PRDM16: variants seen among roughly 807,000 people sequenced by gnomAD.
PRDM16 encodes the protein histone-lysine N-methyltransferase PRDM16.
Under a neutral mutation model 110.6 loss-of-function variants are expected in PRDM16, and 23 were observed. The observed-to-expected ratio is 0.21, with a 90% CI of 0.15 to 0.29. The LOEUF is 0.29. Ranked by LOEUF, PRDM16 falls within the 10% of genes least tolerant of loss-of-function variation. The probability of loss-of-function intolerance (pLI) is 1.00; values close to 1 mark genes in which losing one functional copy is unlikely to be tolerated. For missense variants in PRDM16, 1,615 were observed against 1,794.3 expected (o/e 0.90, Z 1.81); for synonymous variants, 799 against 781.8 (o/e 1.02, Z -0.37).
At chr1:3,239,991 AAGAG>A (rs1000742426) in intron 2 of PRDM16, among the ~76,000 whole-genome samples, 27 of 148,452 alleles carry the variant, frequency 1.8e-4, no homozygotes, top group African/African-American at 6.3e-4. Flanking sequence ...AAGAAAAGAA[AAGAG>A]AGAGAGGAAG....
At chr1:3,363,374 ATTC>A (rs1359389295) in intron 3 of PRDM16, among the ~76,000 whole-genome samples, 1 of 152,144 alleles carries the variant, frequency 6.6e-6, no homozygotes, top group South Asian at 2.1e-4. Flanking sequence ...CCAGGAAGGT[ATTC>A]TTCTCCGGGA....
At chr1:3,087,070 G>A (rs1253287614) in intron 1 of PRDM16, among the ~76,000 whole-genome samples, 1 of 152,186 alleles carries the variant, frequency 6.6e-6, no homozygotes, top group African/African-American at 2.4e-5. Context: ...AACGCTGCAC[G>A]TGCTGCCGGC....
intron 4 of PRDM16, among the ~76,000 whole-genome samples, chr1:3,395,467 C>G (rs883678): frequency 0.16 from 23,807 of 152,220 alleles, 2,228 homozygotes; most frequent in Middle Eastern, 0.27. Flanking sequence ...CCCAGCCTCA[C>G]AGCCAGTCCT....
Position 3,353,440 on chromosome 1 carries a change from G to A in PRDM16, c.439-31712G>A, listed in dbSNP as rs370128641. On this transcript the variant is annotated intron_variant, in intron 3 of 16. Transcript: ENST00000270722. The surrounding 1 kb of genome is among the most constrained non-coding windows in gnomAD (Gnocchi z 5.4). ...GGGGACACCATCCTGCAGCCTCTGCGTTTGTCCTTGGGGTCATTGAGGAAT... is the reference window on the plus strand; with the variant it reads ...GGGGACACCATCCTGCAGCCTCTGCATTTGTCCTTGGGGTCATTGAGGAAT... 2.3e-4 allele frequency among the ~76,000 whole-genome samples: 35 copies of A among 152,300 alleles called. No individual in the cohort carries two copies. Among genetic ancestry groups the A allele is most frequent in the East Asian group, 1.2e-3 (6 of 5,164 alleles).
intron 7 of PRDM16, 114 bp downstream of exon 7, chr1:3,405,000 G>GT (rs1395726243): frequency 1.4e-5 from 17 of 1,187,192 alleles, no homozygotes; most frequent in Non-Finnish European, 1.9e-5. Flanking sequence ...GTGCGGCAGA[G>GT]TGGGTAGGAG....
chr1:3,186,640 C>T (rs1046270252), intron 2 of PRDM16, 166 bp downstream of exon 2: 6 of 562,402 alleles, frequency 1.1e-5, no homozygotes, highest in African/African-American at 1.9e-5. Context: ...TCGCCTGATG[C>T]GACTCAGAAA....
At chr1:3,141,505 T>C (rs1251826138) in intron 1 of PRDM16, among the ~76,000 whole-genome samples, 1 of 152,218 alleles carries the variant, frequency 6.6e-6, no homozygotes, top group Non-Finnish European at 1.5e-5. Flanking sequence ...ATAATGGAAA[T>C]TGTCAAATTG....
intron 1 of PRDM16, among the ~76,000 whole-genome samples, chr1:3,184,562 G>T (rs1002781964): frequency 6.6e-6 from 1 of 152,152 alleles, no homozygotes; most frequent in African/African-American, 2.4e-5. Flanking sequence ...CCTAACACTC[G>T]CGCCTGCCTT....
At position 3,175,739 on chromosome 1, in the gene PRDM16, G is replaced by T. The variant is rs1569762909; in HGVS notation, c.38-10386G>T. ...ACAGCCGGTCAGCCCTGAAGAAGCA[G>T]CAGAGAAACCAGCCCTTTCTCCGAG... On this transcript the variant is annotated intron_variant, in intron 1 of 16. Transcript: ENST00000270722. This position sits in a 1 kb window ranked among gnomAD's most constrained non-coding sequence, Gnocchi z 4.8. Among the ~76,000 whole-genome samples the T allele has an allele frequency of 6.6e-6, 1 of 152,288 alleles. No individual in the cohort carries two copies. The highest frequency in any genetic ancestry group is 1.9e-4 in the East Asian group (1 of 5,188).
intron 2 of PRDM16, among the ~76,000 whole-genome samples, chr1:3,219,745 G>T (rs1336392449): frequency 3.3e-5 from 5 of 152,328 alleles, no homozygotes; most frequent in Admixed American, 2.6e-4. Context: ...CTCTCGCCCT[G>T]CATTTCAAGG....
intron 2 of PRDM16, among the ~76,000 whole-genome samples, chr1:3,193,451 C>T (rs1638366922): frequency 1.3e-5 from 2 of 152,246 alleles, no homozygotes; most frequent in Non-Finnish European, 2.9e-5. Flanking sequence ...ACATAGCTCT[C>T]CTCTGTAGAA....
chr1:3,326,149 T>C (rs867147551), intron 3 of PRDM16, among the ~76,000 whole-genome samples: 5 of 145,662 alleles, frequency 3.4e-5, no homozygotes, highest in East Asian at 2.0e-4. Flanking sequence ...TCCTTGGCCC[T>C]CGTTGGCCAT....
At chr1:3,310,217 G>A (rs1641415947) in intron 3 of PRDM16, 1 of 152,246 alleles carries the variant, frequency 6.6e-6, no homozygotes, top group Non-Finnish European at 1.5e-5. Context: ...CACCTCCACA[G>A]CGGCTGCAGC....
chr1:3,273,751 G>T (rs1178862585), intron 3 of PRDM16, among the ~76,000 whole-genome samples: 2 of 151,578 alleles, frequency 1.3e-5, no homozygotes, highest in Non-Finnish European at 2.9e-5. Flanking sequence ...TAGGTGTGTG[G>T]GGGTTGCATA....
chr1:3,341,284 T>TC (rs1354266481), intron 3 of PRDM16, among the ~76,000 whole-genome samples: 1 of 152,062 alleles, frequency 6.6e-6, no homozygotes, highest in Non-Finnish European at 1.5e-5. Context: ...TTGGCAAGGG[T>TC]AGGTCTCAGA....
chr1:3,240,056 AAGAGGAGAGG>A (rs70938079), intron 2 of PRDM16, among the ~76,000 whole-genome samples: 21,748 of 103,310 alleles, frequency 0.21, 2,339 homozygotes, highest in Non-Finnish European at 0.23. Context: ...AGGAGAGGAG[AAGAGGAGAGG>A]AGAGGAGAGG....
chr1:3,311,129 A>G (rs1641448222), intron 3 of PRDM16, among the ~76,000 whole-genome samples: 1 of 152,148 alleles, frequency 6.6e-6, no homozygotes, highest in Non-Finnish European at 1.5e-5. Context: ...GAGGTGGGGA[A>G]GGGTTAACCC....
At chr1:3,421,917 AAGACAGACAGGCAGGCAGAC>A (rs1465239265) in intron 12 of PRDM16, among the ~76,000 whole-genome samples, 2 of 149,854 alleles carry the variant, frequency 1.3e-5, no homozygotes, top group Non-Finnish European at 3.0e-5. Flanking sequence ...AACAGACAGG[AAGACAGACAGGCAGGCAGAC>A]AGACAGGCAG....
At chr1:3,418,616 T>C in intron 11 of PRDM16, 51 bp from the exon 12 acceptor site, 1 of 1,289,148 alleles carries the variant, frequency 7.8e-7, no homozygotes, top group Non-Finnish European at 1.1e-6. Flanking sequence ...GAAATGGCCA[T>C]GTAAGCCCAC....
Sources: gnomAD v4.1 joint callset for allele counts (sites outside exome capture counted in the v4.1 genomes callset) on GRCh38, gnomAD v4.1.1 for gene constraint, Gnocchi (gnomAD v3.1) non-coding constraint, MANE v1.5 for transcripts, NCBI Gene and HGNC (gene_info 2026-07-23, HGNC 2026-07-21) for gene names.